The following ADGRG6 variants were observed in gnomAD, a reference collection of about 807,000 sequenced individuals.
ADGRG6 encodes adhesion G protein-coupled receptor G6, also known as G-protein coupled receptor 126.
A neutral mutation model predicts 142.4 loss-of-function variants in ADGRG6; 84 were observed. The ratio of observed to expected loss-of-function variants is 0.59; its 90% CI spans 0.49 to 0.71. The LOEUF (loss-of-function observed/expected upper bound fraction) is 0.71, where lower values mean the gene tolerates loss of function less well. Among genes scored for constraint, ADGRG6 ranks in the 30% least tolerant of loss-of-function variants. The pLI, the probability that ADGRG6 is intolerant of heterozygous loss-of-function variation, is 0.00. For missense variants in ADGRG6, 1,367 were observed against 1,466.6 expected, an observed-to-expected ratio of 0.93 and a Z score of 1.11; for synonymous variants, 521 against 520.5, an observed-to-expected ratio of 1.00 and a Z score of -0.01.
intron 4 of ADGRG6, among the ~76,000 whole-genome samples, chr6:142,379,534 G>A (rs1225181675): frequency 3.3e-5 from 5 of 152,312 alleles, no homozygotes; most frequent in South Asian, 2.1e-4. Context: ...TTGGGAGGCC[G>A]AGGCGGGCGG....
At chr6:142,396,535 A>G (rs775600009) in intron 9 of ADGRG6, among the ~76,000 whole-genome samples, 12 of 152,186 alleles carry the variant, frequency 7.9e-5, no homozygotes, top group Non-Finnish European at 1.5e-4. Flanking sequence ...CCACAAATAA[A>G]TTACTACTAT....
intron 6 of ADGRG6, among the ~76,000 whole-genome samples, chr6:142,389,525 T>A (rs1004210052): frequency 3.9e-5 from 6 of 152,104 alleles, no homozygotes; most frequent in Admixed American, 2.6e-4. Context: ...TTTTTCATTT[T>A]AAAAAATCAG....
Position 142,388,367 on chromosome 6 carries a change from A to G in ADGRG6, c.1223-1891A>G, listed in dbSNP as rs184467779. 3.2e-4 allele frequency among the ~76,000 whole-genome samples: 48 copies of G among 152,238 alleles called. 1 individual carries two copies. Among genetic ancestry groups the G allele is most frequent in the Non-Finnish European group, 5.7e-4 (39 of 67,960 alleles). On this transcript the variant is annotated intron_variant, in intron 6 of 24. Coordinates refer to ENST00000367609, the MANE Select transcript of ADGRG6 (RefSeq NM_198569.3). ...ATTTTGCAATATTTTCCTTAGAGGG[A>G]ACAAATACTACTGTTATAACAAAAG...
chr6:142,311,434 T>C (rs1279513909), intron 2 of ADGRG6, among the ~76,000 whole-genome samples: 1 of 151,930 alleles, frequency 6.6e-6, no homozygotes, highest in African/African-American at 2.4e-5. Flanking sequence ...ACAAACACTC[T>C]TTAGAGGGTC....
intron 6 of ADGRG6, among the ~76,000 whole-genome samples, chr6:142,388,319 C>T (rs1477609877): frequency 1.3e-5 from 2 of 152,078 alleles, no homozygotes; most frequent in Admixed American, 1.3e-4. Context: ...CTTAAAAATT[C>T]AGAAATGTCA....
intron 22 of ADGRG6, among the ~76,000 whole-genome samples, chr6:142,428,248 A>G (rs1037307101): frequency 7.2e-5 from 11 of 151,930 alleles, no homozygotes; most frequent in African/African-American, 4.8e-5. Context: ...TGTATGTTTT[A>G]TATTTTTATT....
chr6:142,336,706 A>C (rs181422295), intron 2 of ADGRG6, among the ~76,000 whole-genome samples: 41 of 152,348 alleles, frequency 2.7e-4, no homozygotes, highest in Admixed American at 5.2e-4. Flanking sequence ...TAGATAACAC[A>C]CACATGCATA....
chr6:142,316,637 A>C (rs1308596818), intron 2 of ADGRG6, among the ~76,000 whole-genome samples: 2 of 152,130 alleles, frequency 1.3e-5, no homozygotes, highest in African/African-American at 2.4e-5. Context: ...CATTATGTAC[A>C]ATTGATACTG....
chr6:142,415,149 T>G, intron 19 of ADGRG6, 53 bp downstream of exon 19: 1 of 1,489,078 alleles, frequency 6.7e-7, no homozygotes, highest in Non-Finnish European at 9.1e-7. Flanking sequence ...CAAATGTGAA[T>G]AAGAAAATTG....
chr6:142,433,134 A>G (rs1244223305), intron 22 of ADGRG6, among the ~76,000 whole-genome samples: 1 of 152,178 alleles, frequency 6.6e-6, no homozygotes, highest in East Asian at 1.9e-4. Flanking sequence ...TGACAAAAAT[A>G]CCTCCAAGAA....
At chr6:142,374,805 A>G (rs187682628) in intron 4 of ADGRG6, among the ~76,000 whole-genome samples, 4 of 152,330 alleles carry the variant, frequency 2.6e-5, no homozygotes, top group East Asian at 3.9e-4. Flanking sequence ...GATAAGAACT[A>G]TATGTGTTTA....
At chr6:142,319,473 A>G (rs1778413360) in intron 2 of ADGRG6, among the ~76,000 whole-genome samples, 1 of 152,154 alleles carries the variant, frequency 6.6e-6, no homozygotes, top group Non-Finnish European at 1.5e-5. Context: ...TTGACATTCA[A>G]ATTTTGAGAG....
At chr6:142,318,355 T>C (rs1469787670) in intron 2 of ADGRG6, among the ~76,000 whole-genome samples, 1 of 97,130 alleles carries the variant, frequency 1.0e-5, no homozygotes, top group Non-Finnish European at 1.8e-5. Flanking sequence ...ATTTATATAT[T>C]ATATAATATT....
At chr6:142,439,895 T>C (rs567231098) in intron 24 of ADGRG6, among the ~76,000 whole-genome samples, 1 of 152,188 alleles carries the variant, frequency 6.6e-6, no homozygotes, top group East Asian at 1.9e-4. Context: ...GCACAAAATA[T>C]TTTTGCTTAT....
intron 2 of ADGRG6, among the ~76,000 whole-genome samples, chr6:142,328,075 G>A (rs1293990899): frequency 2.0e-5 from 3 of 152,028 alleles, no homozygotes; most frequent in African/African-American, 4.8e-5. Flanking sequence ...AAAACAGAAC[G>A]CAGTTCTTCA....
rs778689243 is a variant in ADGRG6, at chr6:142,340,916, A to G, written c.104-26653A>G. On this transcript the variant is annotated intron_variant, in intron 2 of 24. Coordinates refer to ENST00000367609, the MANE Select transcript of ADGRG6 (RefSeq NM_198569.3). ...TTTCTGTGGTTGTCTTGGACTTCAAATTGCAGGATTTCTTAGGTTGTGGCA... is the reference window on the plus strand; with the variant it reads ...TTTCTGTGGTTGTCTTGGACTTCAAGTTGCAGGATTTCTTAGGTTGTGGCA... Among the ~76,000 whole-genome samples, 3 of 152,096 alleles carry G rather than the reference A, an allele frequency of 2.0e-5. 1 individual carries two copies. Among genetic ancestry groups the G allele is most frequent in the South Asian group, 4.1e-4 (2 of 4,832 alleles).
chr6:142,370,451 G>T lies in ADGRG6; in HGVS notation c.727G>T (p.Glu243Ter). 2 of 1,613,468 alleles carry T rather than the reference G, an allele frequency of 1.2e-6. No individual in the cohort carries two copies. The highest frequency in any genetic ancestry group is 1.7e-6 in the Non-Finnish European group (2 of 1,179,460). ...TAATGCATTACCTGTCAAAGAAAAA[G>T]AAGACATTTTTGCAGAAAGCTTTGA... ...LNNALPVKEK[E>*]DIFAESFEQL... Residue 243 changes from glutamate (E) to a stop codon, truncating the protein, a stop_gained, in exon 4 of 25, where the codon GAA (glutamate) becomes TAA (stop). Transcript: ENST00000367609. LOFTEE classifies it high-confidence loss of function.
At chr6:142,396,808 A>G (rs1775220100) in intron 9 of ADGRG6, among the ~76,000 whole-genome samples, 1 of 152,182 alleles carries the variant, frequency 6.6e-6, no homozygotes. Flanking sequence ...CTTTTACCTC[A>G]GTGTTAAATT....
At chr6:142,391,667 C>T (rs1456702791) in intron 7 of ADGRG6, among the ~76,000 whole-genome samples, 1 of 151,652 alleles carries the variant, frequency 6.6e-6, no homozygotes, top group Admixed American at 6.6e-5. Context: ...TTTGGGAATG[C>T]CACATTGAGA....
Sources: allele counts gnomAD v4.1 joint callset (sites outside exome capture counted in the v4.1 genomes callset), GRCh38; gene constraint gnomAD v4.1.1; transcripts MANE v1.5; gene names NCBI Gene and HGNC (gene_info 2026-07-23, HGNC 2026-07-21).